Variants in FBXL20 observed in about 807,000 individuals in gnomAD.
The protein encoded by FBXL20 is F-box and leucine rich repeat protein 20.
FBXL20 carries 11 observed loss-of-function variants against 64.0 expected under a neutral mutation model. The ratio of observed to expected loss-of-function variants is 0.17; its 90% CI spans 0.11 to 0.28. The LOEUF (loss-of-function observed/expected upper bound fraction) is 0.28, where lower values mean the gene tolerates loss of function less well. FBXL20 is among the 10% of genes least tolerant of loss of function. FBXL20 has a pLI of 1.00. For synonymous variants in FBXL20, 184 were observed against 189.0 expected, an observed-to-expected ratio of 0.97 and a Z score of 0.22; for missense variants, 303 against 526.2, an observed-to-expected ratio of 0.58 and a Z score of 4.15.
At chr17:39,388,783 A>G (rs1014412095) in intron 1 of FBXL20, among the ~76,000 whole-genome samples, 27 of 149,232 alleles carry the variant, frequency 1.8e-4, no homozygotes, top group African/African-American at 6.6e-4. Context: ...CGCCCGGCAA[A>G]AGCTGCATTT....
rs553244386 is a variant in FBXL20 at position 39,298,981 on chromosome 17, T to G, written c.329+9A>C. On this transcript the variant is annotated intron_variant, in intron 5 of 14. Transcript: ENST00000264658. Reference sequence around the variant, plus strand: ...CATCAAGAAGATTAATCAATAGTTATGTTTTTACCTTAATGCATTGTCTCC... The same window carrying G: ...CATCAAGAAGATTAATCAATAGTTAGGTTTTTACCTTAATGCATTGTCTCC... 4.4e-6 allele frequency: 7 copies of G among 1,605,220 alleles called. No homozygotes were observed. The South Asian group carries it at 6.6e-5, about 15-fold the overall frequency.
chr17:39,333,290 C>T (rs1288255098), intron 2 of FBXL20, among the ~76,000 whole-genome samples: 1 of 152,204 alleles, frequency 6.6e-6, no homozygotes, highest in Non-Finnish European at 1.5e-5. Context: ...GGATTGCAGG[C>T]GCGCGCCGCC....
At chr17:39,287,221 T>C (rs1038985719) in intron 6 of FBXL20, among the ~76,000 whole-genome samples, 1 of 152,106 alleles carries the variant, frequency 6.6e-6, no homozygotes, top group Non-Finnish European at 1.5e-5. Flanking sequence ...TTGGTATCTA[T>C]TTCTAATAGG....
chr17:39,281,534 ACACAT>A, intron 8 of FBXL20, 71 bp from the exon 9 acceptor site: 1 of 1,324,100 alleles, frequency 7.6e-7, no homozygotes, highest in Non-Finnish European at 1.1e-6. Flanking sequence ...TTAAGAATGT[ACACAT>A]TCATTCATAC....
At chr17:39,331,739 T>C (rs191062056) in intron 2 of FBXL20, among the ~76,000 whole-genome samples, 38 of 152,346 alleles carry the variant, frequency 2.5e-4, no homozygotes, top group Non-Finnish European at 3.7e-4. Flanking sequence ...CTAATGTCCC[T>C]CATAAAGAAC....
At chr17:39,401,726 G>A, upstream of FBXL20, 3 of 1,111,232 alleles carry the variant, frequency 2.7e-6, no homozygotes, top group Non-Finnish European at 3.3e-6. Flanking sequence ...GCCCGGGAGG[G>A]GGAGGGGCGG....
intron 2 of FBXL20, among the ~76,000 whole-genome samples, chr17:39,326,673 A>T (rs1254058658): frequency 1.3e-5 from 2 of 151,618 alleles, no homozygotes; most frequent in East Asian, 4.0e-4. Context: ...GCTGGAGTGC[A>T]GTGATGCTAT....
At chr17:39,264,799 T>A (rs1302250156) in intron 13 of FBXL20, among the ~76,000 whole-genome samples, 2 of 152,232 alleles carry the variant, frequency 1.3e-5, no homozygotes, top group Non-Finnish European at 2.9e-5. Flanking sequence ...ATTAATTAGC[T>A]GAAGATTTTT....
Position 39,264,269 on chromosome 17 carries a change from G to C in FBXL20, c.1109C>G (p.Ala370Gly). ...ACAGCTCTTCAAGTGCTCCAGGGAT[G>C]CATCTGTGATTAGTGGGCAGTTGTC... Reference protein sequence around the residue: ...ELDNCPLITDASLEHLKSCHS... With the variant: ...ELDNCPLITDGSLEHLKSCHS... The change falls in exon 14 of 15, where the codon GCA becomes GGA. Residue 370 changes from alanine to glycine, a missense_variant. Physicochemically the swap from Ala to Gly is moderately conservative, Grantham distance 60. Transcript: ENST00000264658. The C allele has an allele frequency of 6.2e-7, 1 of 1,614,214 alleles. No individual in the cohort carries two copies. Among genetic ancestry groups the C allele is most frequent in the Non-Finnish European group, 8.5e-7 (1 of 1,180,038 alleles).
chr17:39,333,685 C>T (rs570689625), intron 2 of FBXL20, among the ~76,000 whole-genome samples: 58 of 152,188 alleles, frequency 3.8e-4, no homozygotes, highest in African/African-American at 1.3e-3. Flanking sequence ...GCCGTCATCC[C>T]GTCTAGGAAG....
intron 1 of FBXL20, among the ~76,000 whole-genome samples, chr17:39,356,564 T>C (rs780248500): frequency 2.0e-5 from 3 of 152,086 alleles, no homozygotes; most frequent in Non-Finnish European, 4.4e-5. Context: ...CCATGTTGCC[T>C]AGGATAGTCT....
At chr17:39,307,094 T>C (rs949422919) in intron 2 of FBXL20, among the ~76,000 whole-genome samples, 3 of 152,202 alleles carry the variant, frequency 2.0e-5, no homozygotes, top group African/African-American at 7.2e-5. Flanking sequence ...GCTGTGGTTA[T>C]AATTTTTCAG....
chr17:39,371,794 G>A (rs1388954664), intron 1 of FBXL20, among the ~76,000 whole-genome samples: 1 of 151,898 alleles, frequency 6.6e-6, no homozygotes, highest in Non-Finnish European at 1.5e-5. Context: ...CCAAGTAGCT[G>A]GGATTAAAGG....
chr17:39,290,419 G>T (rs1200362787), intron 6 of FBXL20, among the ~76,000 whole-genome samples: 1 of 152,114 alleles, frequency 6.6e-6, no homozygotes, highest in African/African-American at 2.4e-5. Context: ...ATGTTGAACA[G>T]CTGTGGTAAG....
intron 2 of FBXL20, among the ~76,000 whole-genome samples, chr17:39,342,069 T>C (rs926108491): frequency 6.6e-6 from 1 of 152,210 alleles, no homozygotes; most frequent in Non-Finnish European, 1.5e-5. Flanking sequence ...AGACTAATTA[T>C]TTAAAAACAG....
Position 39,261,160 on chromosome 17 carries a change from C to A in FBXL20, c.*300G>T. ...CATTAACACGGGGTTTGCTGGAATG[C>A]CCCTCCCTATCTTGGCCTATGATTT... On this transcript the variant is annotated 3_prime_UTR_variant, in exon 15 of 15. Coordinates refer to ENST00000264658, the MANE Select transcript of FBXL20 (RefSeq NM_032875.3). 1 of 303,042 alleles carries A rather than the reference C, an allele frequency of 3.3e-6. No homozygotes were observed. The highest frequency in any genetic ancestry group is 6.3e-6 in the Non-Finnish European group (1 of 158,432). The allele number at this position is 303,042 out of a possible 1,614,324, so 18.8% of individuals were successfully genotyped here.
At chr17:39,312,428 TAGTA>T (rs2047243465) in intron 2 of FBXL20, among the ~76,000 whole-genome samples, 1 of 149,350 alleles carries the variant, frequency 6.7e-6, no homozygotes, top group African/African-American at 2.5e-5. Context: ...AAATAAAAAG[TAGTA>T]AGAACTTAGT....
intron 6 of FBXL20, among the ~76,000 whole-genome samples, chr17:39,288,934 A>G (rs2047012682): frequency 6.6e-6 from 1 of 151,690 alleles, no homozygotes; most frequent in Non-Finnish European, 1.5e-5. Context: ...CAAACTCTTG[A>G]CCTTGTGATC....
intron 9 of FBXL20, among the ~76,000 whole-genome samples, chr17:39,278,452 G>A (rs1397236078): frequency 1.3e-5 from 2 of 151,632 alleles, no homozygotes; most frequent in Non-Finnish European, 2.9e-5. Context: ...ACATACACAC[G>A]AAGCTCTCCA....
Sources: allele counts gnomAD v4.1 joint callset (sites outside exome capture counted in the v4.1 genomes callset), GRCh38; gene constraint gnomAD v4.1.1; transcripts MANE v1.5; gene names NCBI Gene and HGNC (gene_info 2026-07-23, HGNC 2026-07-21).